The following GPBP1L1 variants were observed in gnomAD, a reference collection of about 807,000 sequenced individuals.
GPBP1L1 encodes vasculin-like protein 1.
Under a neutral mutation model 52.5 loss-of-function variants are expected in GPBP1L1, and 23 were observed. That is an observed-to-expected ratio of 0.44 (90% CI 0.32 to 0.62). The LOEUF (loss-of-function observed/expected upper bound fraction) is 0.62. Among genes scored for constraint, GPBP1L1 ranks in the 20% least tolerant of loss-of-function variants. The pLI, the probability that GPBP1L1 is intolerant of heterozygous loss-of-function variation, is 0.06. For synonymous variants in GPBP1L1, 243 were observed against 203.1 expected (o/e 1.20, Z -1.67); for missense variants, 596 against 579.3 (o/e 1.03, Z -0.30).
At chr1:45,629,020 T>C (rs1029033634) in intron 12 of GPBP1L1, among the ~76,000 whole-genome samples, 14 of 152,350 alleles carry the variant, frequency 9.2e-5, no homozygotes, top group African/African-American at 3.1e-4. Context: ...GCTTGTGCCA[T>C]GCCCCTTTTA....
intron 12 of GPBP1L1, 122 bp downstream of exon 12, chr1:45,629,454 T>TCCACCCC: frequency 1.7e-5 from 2 of 115,396 alleles, no homozygotes; most frequent in South Asian, 9.7e-5. Flanking sequence ...ACTAAGGTAA[T>TCCACCCC]CCCCCCCCCC....
Position 45,628,423 on chromosome 1 carries a change from G to C in GPBP1L1, c.1273-15C>G. On this transcript the variant is annotated splice_polypyrimidine_tract_variant and intron_variant, in intron 12 of 12. Coordinates refer to ENST00000355105, the MANE Select transcript of GPBP1L1 (RefSeq NM_021639.5). ...TTTCTTCTCAGCTATGGTTAGCATG[G>C]GAGAGAAAGAAAAAAGAAAAAAATA... 6.2e-7 allele frequency: 1 copy of C among 1,610,760 alleles called. No individual in the cohort carries two copies. The highest frequency in any genetic ancestry group is 1.1e-5 in the South Asian group (1 of 90,790).
chr1:45,686,169 T>C (rs1645280418), intron 1 of GPBP1L1, among the ~76,000 whole-genome samples: 1 of 152,238 alleles, frequency 6.6e-6, no homozygotes, highest in Admixed American at 6.5e-5. Context: ...AGGAGCGCTT[T>C]CGCGGAGCCC....
chr1:45,653,800 G>A lies in GPBP1L1; in HGVS notation c.477+743C>T, dbSNP rs113238246. Among the ~76,000 whole-genome samples the A allele has an allele frequency of 1.4e-3, 213 of 150,346 alleles. 1 individual carries two copies. Among genetic ancestry groups the A allele is most frequent in the African/African-American group, 4.9e-3 (201 of 40,832 alleles). On this transcript the variant is annotated intron_variant, in intron 6 of 12. Transcript: ENST00000355105. ...TGCAACCTCTGCCACCTGGGTTCACGTGATTCTCCTGCCTCAGCCTCCTGA... is the reference window on the plus strand; with the variant it reads ...TGCAACCTCTGCCACCTGGGTTCACATGATTCTCCTGCCTCAGCCTCCTGA...
At chr1:45,668,740 T>C (rs1006032265) in intron 2 of GPBP1L1, among the ~76,000 whole-genome samples, 5 of 152,216 alleles carry the variant, frequency 3.3e-5, no homozygotes, top group Non-Finnish European at 5.9e-5. Flanking sequence ...AGGATGTTAA[T>C]GGCCGATGTA....
chr1:45,632,663 C>T (rs1644545362), intron 10 of GPBP1L1, among the ~76,000 whole-genome samples: 1 of 152,188 alleles, frequency 6.6e-6, no homozygotes. Flanking sequence ...TTGCAATGAG[C>T]CCAGATCGTG....
chr1:45,648,706 GCTTT>G (rs754621310), intron 6 of GPBP1L1, among the ~76,000 whole-genome samples: 1 of 152,160 alleles, frequency 6.6e-6, no homozygotes, highest in Non-Finnish European at 1.5e-5. Context: ...AACTCTACTT[GCTTT>G]GTCTTATTTT....
chr1:45,679,198 T>C (rs1045977507), intron 2 of GPBP1L1, among the ~76,000 whole-genome samples: 11 of 152,150 alleles, frequency 7.2e-5, no homozygotes, highest in Non-Finnish European at 1.6e-4. Flanking sequence ...TCTGACAAGT[T>C]TAAAAAGGAA....
intron 4 of GPBP1L1, chr1:45,655,631 T>C (rs1569831469): frequency 5.1e-6 from 1 of 197,806 alleles, no homozygotes; most frequent in East Asian, 1.4e-4. Context: ...TCCAAAACTT[T>C]ACACTTAAAA....
intron 10 of GPBP1L1, 148 bp from the exon 11 acceptor site, chr1:45,630,754 G>C: frequency 2.8e-6 from 2 of 726,718 alleles, no homozygotes; most frequent in Non-Finnish European, 4.3e-6. Flanking sequence ...TTACAAATGA[G>C]GACCTGCTGC....
intron 6 of GPBP1L1, among the ~76,000 whole-genome samples, chr1:45,653,834 A>G (rs1251537040): frequency 1.3e-5 from 2 of 151,056 alleles, no homozygotes; most frequent in East Asian, 3.9e-4. Flanking sequence ...GAGTAGCTGG[A>G]ATTATAGGCA....
At position 45,634,147 on chromosome 1, in the gene GPBP1L1, A is replaced by T; in HGVS notation, c.834T>A (p.Val278=). Residue 278 remains valine (V), a synonymous_variant, in exon 9 of 13, where the codon GTT becomes GTA. Coordinates refer to ENST00000355105, the MANE Select transcript of GPBP1L1 (RefSeq NM_021639.5). ...CACTAGCCAGTACCACTGGTTTGGTAACAGAGATTGGACTGGTAAAAGCAG... is the reference window on the plus strand; with the variant it reads ...CACTAGCCAGTACCACTGGTTTGGTTACAGAGATTGGACTGGTAAAAGCAG... ...RESAFTSPIS[V]TKPVVLASGA... The T allele has an allele frequency of 6.2e-7, 1 of 1,614,090 alleles. No individual in the cohort carries two copies. Among genetic ancestry groups the T allele is most frequent in the Non-Finnish European group, 8.5e-7 (1 of 1,179,920 alleles).
Position 45,660,196 on chromosome 1 carries a change from C to A in GPBP1L1, c.-68G>T. On this transcript the variant is annotated 5_prime_UTR_variant, in exon 3 of 13. Transcript: ENST00000355105. Reference sequence around the variant, plus strand: ...GGAGAATATTTACCCCAGAGTGTAACCTCTGTGGTCCTGTTTCTGAACTCG... The same window carrying A: ...GGAGAATATTTACCCCAGAGTGTAAACTCTGTGGTCCTGTTTCTGAACTCG... 1.0e-6 allele frequency: 1 copy of A among 985,234 alleles called. No individual in the cohort carries two copies. The highest frequency in any genetic ancestry group is 1.1e-4 in the East Asian group (1 of 8,810). 61.0% of individuals were successfully genotyped at this position (985,234 alleles called of 1,614,324 possible).
At chr1:45,647,771 C>G (rs1354326060) in intron 6 of GPBP1L1, among the ~76,000 whole-genome samples, 1 of 152,138 alleles carries the variant, frequency 6.6e-6, no homozygotes, top group Non-Finnish European at 1.5e-5. Context: ...AGAAGCACAT[C>G]AGCAATTACT....
intron 2 of GPBP1L1, among the ~76,000 whole-genome samples, chr1:45,674,125 A>G (rs933630014): frequency 6.6e-6 from 1 of 152,174 alleles, no homozygotes; most frequent in African/African-American, 2.4e-5. Flanking sequence ...AATGGCTTAC[A>G]CTGTTTACAT....
At chr1:45,649,520 T>C (rs923948437) in intron 6 of GPBP1L1, among the ~76,000 whole-genome samples, 1 of 152,104 alleles carries the variant, frequency 6.6e-6, no homozygotes, top group African/African-American at 2.4e-5. Flanking sequence ...AATTCTTTTG[T>C]AGAATCCTCA....
intron 10 of GPBP1L1, among the ~76,000 whole-genome samples, chr1:45,631,340 G>A (rs1242008739): frequency 2.0e-5 from 3 of 152,058 alleles, no homozygotes; most frequent in Non-Finnish European, 4.4e-5. Context: ...TCGGCTCACT[G>A]CAACCCCCGC....
Position 45,670,642 on chromosome 1 carries a change from A to G in GPBP1L1, c.-1097-9417T>C, listed in dbSNP as rs574078480. Among the ~76,000 whole-genome samples, 9 of 151,134 alleles carry G rather than the reference A, an allele frequency of 6.0e-5. No individual in the cohort carries two copies. In the South Asian group the frequency reaches 1.7e-3, roughly 28 times the overall value. The stretch of plus-strand genomic sequence containing the variant: ...GTCCAATTTCATTCTTTTCCATATG[A>G]AAAAAAAACTGTCCCAGAAGTATTC... On this transcript the variant is annotated intron_variant, in intron 2 of 12. Coordinates refer to ENST00000355105, the MANE Select transcript of GPBP1L1 (RefSeq NM_021639.5).
intron 12 of GPBP1L1, among the ~76,000 whole-genome samples, 190 bp downstream of exon 12, chr1:45,629,386 T>C (rs1051476840): frequency 8.6e-5 from 13 of 151,666 alleles, no homozygotes; most frequent in African/African-American, 2.9e-4. Context: ...TTGGTTTTTG[T>C]ATATAACACT....
Sources: allele counts gnomAD v4.1 joint callset (sites outside exome capture counted in the v4.1 genomes callset), GRCh38; gene constraint gnomAD v4.1.1; transcripts MANE v1.5; gene names NCBI Gene and HGNC (gene_info 2026-07-23, HGNC 2026-07-21).